RBBP8NL: variants seen among roughly 807,000 people sequenced by gnomAD.
RBBP8NL encodes RBBP8 N-terminal-like protein.
Under a neutral mutation model 62.2 loss-of-function variants are expected in RBBP8NL, and 59 were observed. The observed-to-expected ratio is 0.95, with a 90% CI of 0.77 to 1.18. The LOEUF (loss-of-function observed/expected upper bound fraction) is 1.18, where lower values mean the gene tolerates loss of function less well. RBBP8NL is among the 50% of genes most tolerant of loss of function. The pLI, the probability that RBBP8NL is intolerant of heterozygous loss-of-function variation, is 0.00. For synonymous variants in RBBP8NL, 412 were observed against 394.1 expected (o/e 1.05, Z -0.54); for missense variants, 896 against 899.5 (o/e 1.00, Z 0.05).
intron 1 of RBBP8NL, among the ~76,000 whole-genome samples, chr20:62,422,264 G>T (rs1988716948): frequency 6.6e-6 from 1 of 152,148 alleles, no homozygotes; most frequent in Non-Finnish European, 1.5e-5. Flanking sequence ...TGAGGGTCCT[G>T]TGTGCAACAT....
In RBBP8NL at chr20:62,414,187, T is replaced by G; in HGVS notation, c.1164A>C (p.Leu388=). The G allele has an allele frequency of 3.1e-6, 5 of 1,609,484 alleles. No individual in the cohort carries two copies. In the East Asian group the frequency reaches 1.1e-4, roughly 36 times the overall value. Residue 388 remains leucine, a synonymous_variant, in exon 10 of 14, where the codon CTA becomes CTC. Transcript: ENST00000252998. ...QPTPGEMLPS[L]PVGSDSEGPE... ...GGCCCTCAGAGTCTGAGCCGACTGG[T>G]AGGGAGGGCAGCATCTCCCCGGGTG...
rs747597177 is a variant in RBBP8NL at position 62,412,647 on chromosome 20, C to G, written c.1853G>C (p.Arg618Pro). 6.2e-7 allele frequency: 1 copy of G among 1,606,358 alleles called. No individual in the cohort carries two copies. The highest frequency in any genetic ancestry group is 2.2e-5 in the East Asian group (1 of 44,876). The stretch of plus-strand genomic sequence containing the variant: ...ACCTTTGTCCCCAGGCTCCGAGGCC[C>G]GCTTCCTCTTCCGTGGTGGACCCTG... ...HGQGPPRKRK[R>P]ASEPGDKASK... Residue 618 changes from arginine (R) to proline (P), a missense_variant, in exon 13 of 14, where the codon CGG (arginine) becomes CCG (proline). Arg to Pro is a moderately radical substitution (Grantham distance 103, BLOSUM62 -2). Transcript: ENST00000252998.
chr20:62,415,946 C>G lies in RBBP8NL; in HGVS notation c.387-1G>C. 6.6e-7 allele frequency: 1 copy of G among 1,525,838 alleles called. No homozygotes were observed. 94.5% of individuals were successfully genotyped at this position (1,525,838 alleles called of 1,614,324 possible). The stretch of plus-strand genomic sequence containing the variant: ...CTTGGCCCGGGGCTTGGGCCTGTCT[C>G]TAGAGGGGAGGCAGAGACAGGGAGG... On this transcript the variant is annotated splice_acceptor_variant, in intron 6 of 13. Coordinates refer to ENST00000252998, the MANE Select transcript of RBBP8NL (RefSeq NM_080833.3). LOFTEE classifies it high-confidence loss of function.
rs549290206 is a variant in RBBP8NL, at chr20:62,411,095, G to C, written c.1877-99C>G. The stretch of plus-strand genomic sequence containing the variant: ...CCTCCTGGGTCTCCTCTGGGCACGG[G>C]GAGCTGGGTGCTTGGGGAAGTTTGC... On this transcript the variant is annotated intron_variant, in intron 13 of 13. Coordinates refer to ENST00000252998, the MANE Select transcript of RBBP8NL (RefSeq NM_080833.3). The C allele has an allele frequency of 1.0e-5, 8 of 761,908 alleles. No individual in the cohort carries two copies. In the Admixed American group the frequency reaches 1.1e-4, roughly 11 times the overall value. The allele number at this position is 761,908 out of a possible 1,614,324, so 47.2% of individuals were successfully genotyped here. A position where few individuals can be genotyped will look rare whatever the true frequency, so the allele number is the denominator to read the frequency against.
In RBBP8NL at chr20:62,412,896, G is replaced by A; in HGVS notation, c.1680C>T (p.Pro560=). 1.2e-6 allele frequency: 2 copies of A among 1,613,174 alleles called. No individual in the cohort carries two copies. The highest frequency in any genetic ancestry group is 1.7e-6 in the Non-Finnish European group (2 of 1,179,994). The change falls in exon 12 of 14, where the codon CCC becomes CCT. Residue 560 remains proline (P), a synonymous_variant. Coordinates refer to ENST00000252998, the MANE Select transcript of RBBP8NL (RefSeq NM_080833.3). ...QPPDLDGHPE[P]SKAEVLRPES... ...CTGGTCTCAGCACTTCAGCCTTGCT[G>A]GGCTCTGAAGGATGCAGAGTGTGGG...
Position 62,416,208 on chromosome 20 carries a change from C to G in RBBP8NL, c.342G>C (p.Glu114Asp). 1 of 1,611,130 alleles carries G rather than the reference C, an allele frequency of 6.2e-7. No homozygotes were observed. The highest frequency in any genetic ancestry group is 8.5e-7 in the Non-Finnish European group (1 of 1,178,820). ...LTNEMNGLKE[E>D]NETLKEEVKR... ...TCACCTCCTCCTTCAAGGTCTCGTT[C>G]TCTTCCTTCAGCCCGTTCATCTCGT... Residue 114 changes from glutamate (E) to aspartate (D), a missense_variant, in exon 6 of 14, where the codon GAG becomes GAC. Transcript: ENST00000252998.
chr20:62,413,472 C>A lies in RBBP8NL; in HGVS notation c.1604G>T (p.Gly535Val). 6.7e-7 allele frequency: 1 copy of A among 1,483,874 alleles called. No individual in the cohort carries two copies. Among genetic ancestry groups the A allele is most frequent in the Non-Finnish European group, 8.9e-7 (1 of 1,121,902 alleles). The allele number at this position is 1,483,874 out of a possible 1,614,324, so 91.9% of individuals were successfully genotyped here. A position where few individuals can be genotyped will look rare whatever the true frequency, so the allele number is the denominator to read the frequency against. The change falls in exon 11 of 14, where the codon GGG becomes GTG. Residue 535 changes from glycine (G) to valine (V), a missense_variant. Coordinates refer to ENST00000252998, the MANE Select transcript of RBBP8NL (RefSeq NM_080833.3). ...SPGSTEDEDTGRPLPPPHPQP... is the reference protein window; with the variant it reads ...SPGSTEDEDTVRPLPPPHPQP... ...TGGGTGGGGAGGTGGCAGAGGCCTC[C>A]CTGTGTCTTCATCTTCTGTACTGCC... is the stretch of plus-strand genomic sequence containing the variant.
intron 1 of RBBP8NL, among the ~76,000 whole-genome samples, chr20:62,423,521 A>G (rs1988750034): frequency 6.6e-6 from 1 of 151,996 alleles, no homozygotes; most frequent in Non-Finnish European, 1.5e-5. Flanking sequence ...GACCCGCCCA[A>G]CAGGCCACTC....
rs377754954 is a variant in RBBP8NL at position 62,418,133 on chromosome 20, G to A, written c.104+290C>T. On this transcript the variant is annotated intron_variant, in intron 3 of 13. Transcript: ENST00000252998. Reference sequence around the variant, plus strand: ...CAGTGTCTGACCAGACATGACCCCAGCTCACCGTGAACGTATTGTTGATAT... The same window carrying A: ...CAGTGTCTGACCAGACATGACCCCAACTCACCGTGAACGTATTGTTGATAT... Among the ~76,000 whole-genome samples, 7 of 152,246 alleles carry A rather than the reference G, an allele frequency of 4.6e-5. No individual in the cohort carries two copies. The East Asian group carries it at 7.7e-4, about 17-fold the overall frequency.
Position 62,414,238 on chromosome 20 carries a change from G to A in RBBP8NL, c.1113C>T (p.Gly371=), listed in dbSNP as rs2146438380. 6.3e-7 allele frequency: 1 copy of A among 1,597,800 alleles called. No individual in the cohort carries two copies. The highest frequency in any genetic ancestry group is 8.5e-7 in the Non-Finnish European group (1 of 1,173,408). ...QQQLRARARA[G]SVRPRGQPTP... ...TGGGCTGGCCCCTTGGCCTGACACT[G>A]CCTGCCCTGGCCCTAGCCCGCAGCT... Residue 371 remains glycine, a synonymous_variant, in exon 10 of 14, where the codon GGC becomes GGT. Transcript: ENST00000252998.
Position 62,416,166 on chromosome 20 carries a change from C to G in RBBP8NL, c.384G>C (p.Leu128=). Reference sequence around the variant, plus strand: ...CCCTGGGACCCTTTCCCACTCACCCCAGGCCCCGAAGCCGCTTCACCTCCT... The same window carrying G: ...CCCTGGGACCCTTTCCCACTCACCCGAGGCCCCGAAGCCGCTTCACCTCCT... ...LKEEVKRLRG[L]GDRPKPRAKE... Residue 128 remains leucine (L), a splice_region_variant and synonymous_variant, in exon 6 of 14, where the codon CTG becomes CTC. Transcript: ENST00000252998. 1 of 1,612,084 alleles carries G rather than the reference C, an allele frequency of 6.2e-7. No individual in the cohort carries two copies. The highest frequency in any genetic ancestry group is 8.5e-7 in the Non-Finnish European group (1 of 1,179,368).
Position 62,417,016 on chromosome 20 carries a change from G to A in RBBP8NL, c.201-144C>T, listed in dbSNP as rs890553933. The A allele has an allele frequency of 3.2e-5, 24 of 745,580 alleles. No homozygotes were observed. In the African/African-American group the frequency reaches 3.9e-4, roughly 12 times the overall value. The allele number at this position is 745,580 out of a possible 1,614,324, so 46.2% of individuals were successfully genotyped here. A position where few individuals can be genotyped will look rare whatever the true frequency, so the allele number is the denominator to read the frequency against. ...CCCCAGGCCTCTTCCCACCCCGTGG[G>A]CTAGGTGTCCCATGTTCCACTGAGT... On this transcript the variant is annotated intron_variant, in intron 4 of 13. Coordinates refer to ENST00000252998, the MANE Select transcript of RBBP8NL (RefSeq NM_080833.3).
chr20:62,421,600 T>TGGCATGTGTGC (rs577787764), intron 1 of RBBP8NL, among the ~76,000 whole-genome samples: 2,608 of 149,384 alleles, frequency 0.017, 44 homozygotes, highest in Non-Finnish European at 0.026. Context: ...TGCATGTGTG[T>TGGCATGTGTGC]GGCATGTGTG....
intron 1 of RBBP8NL, among the ~76,000 whole-genome samples, chr20:62,426,722 C>A (rs964649327): frequency 6.6e-6 from 1 of 152,238 alleles, no homozygotes; most frequent in Non-Finnish European, 1.5e-5. Flanking sequence ...CACACACCGC[C>A]GCAGGGCCCC....
chr20:62,414,150 C>T lies in RBBP8NL; in HGVS notation c.1201G>A (p.Gly401Arg), dbSNP rs763556346. The change falls in exon 10 of 14, where the codon GGG (glycine) becomes AGG (arginine). Residue 401 changes from glycine to arginine, a missense_variant. By Grantham distance (125) the Gly-to-Arg change is moderately radical. Transcript: ENST00000252998. ...GSDSEGPENE[G>R]TRAALAAAGL... ...GCTGCGGCCAGAGCTGCCCTGGTCCCCTCATTCTCAGGGCCCTCAGAGTCT... is the reference window on the plus strand; with the variant it reads ...GCTGCGGCCAGAGCTGCCCTGGTCCTCTCATTCTCAGGGCCCTCAGAGTCT... 2.2e-5 allele frequency: 36 copies of T among 1,606,336 alleles called. No individual in the cohort carries two copies. The Admixed American group carries it at 2.5e-4, about 11-fold the overall frequency.
At chr20:62,419,557 C>G in intron 2 of RBBP8NL, 30 bp downstream of exon 2, 1 of 1,609,492 alleles carries the variant, frequency 6.2e-7, no homozygotes, top group African/African-American at 1.3e-5. Context: ...AGACCCCTCC[C>G]TAGCCTGGCA....
At chr20:62,424,924 C>T (rs939112318) in intron 1 of RBBP8NL, among the ~76,000 whole-genome samples, 4 of 151,998 alleles carry the variant, frequency 2.6e-5, no homozygotes, top group South Asian at 2.1e-4. Context: ...GGGCAGGGGT[C>T]GCATTCCTGA....
At chr20:62,413,053 G>A (rs1469581109) in intron 11 of RBBP8NL, among the ~76,000 whole-genome samples, 153 bp from the exon 12 acceptor site, 4 of 152,410 alleles carry the variant, frequency 2.6e-5, no homozygotes, top group Middle Eastern at 3.4e-3. Context: ...GCTGACAGGA[G>A]GCCGACTGGG....
At position 62,410,865 on chromosome 20, in the gene RBBP8NL, T is replaced by C; in HGVS notation, c.*13A>G. On this transcript the variant is annotated 3_prime_UTR_variant, in exon 14 of 14. Coordinates refer to ENST00000252998, the MANE Select transcript of RBBP8NL (RefSeq NM_080833.3). Reference sequence around the variant, plus strand: ...GCTGCCCCGGGCTCGCTGTGGACCCTGGTGCAGGCTGGCTAGGTCTCCTCC... The same window carrying C: ...GCTGCCCCGGGCTCGCTGTGGACCCCGGTGCAGGCTGGCTAGGTCTCCTCC... The C allele has an allele frequency of 6.3e-7, 1 of 1,581,650 alleles. No homozygotes were observed. Among genetic ancestry groups the C allele is most frequent in the East Asian group, 2.2e-5 (1 of 44,684 alleles).
Sources: allele counts gnomAD v4.1 joint callset (sites outside exome capture counted in the v4.1 genomes callset), GRCh38; gene constraint gnomAD v4.1.1; transcripts MANE v1.5; gene names NCBI Gene and HGNC (gene_info 2026-07-23, HGNC 2026-07-21).